NAALADL2: variants seen among roughly 807,000 people sequenced by gnomAD.
NAALADL2 encodes the protein inactive N-acetylated-alpha-linked acidic dipeptidase-like protein 2.
In NAALADL2, 76 loss-of-function variants were observed where a neutral mutation model predicts 87.2. That is an observed-to-expected ratio of 0.87 (90% CI 0.72 to 1.05). The LOEUF is 1.05. NAALADL2 is among the 50% of genes least tolerant of loss of function. NAALADL2 has a pLI of 0.00. For synonymous variants in NAALADL2, 354 were observed against 331.0 expected, an observed-to-expected ratio of 1.07 and a Z score of -0.75; for missense variants, 1,089 against 945.8, an observed-to-expected ratio of 1.15 and a Z score of -1.99.
chr3:175,162,994 C>G (rs1436726492), intron 2 of NAALADL2, among the ~76,000 whole-genome samples: 1 of 152,038 alleles, frequency 6.6e-6, no homozygotes, highest in Non-Finnish European at 1.5e-5. Context: ...CTAATCATTT[C>G]TTTCTTTTCT....
chr3:174,654,747 T>G (rs1402524100), intron 2 of NAALADL2, among the ~76,000 whole-genome samples: 2 of 152,146 alleles, frequency 1.3e-5, no homozygotes, highest in East Asian at 3.8e-4. Flanking sequence ...TATTATTTAT[T>G]TATTTTGAGA....
chr3:175,504,576 TC>T (rs1730018202), intron 9 of NAALADL2, among the ~76,000 whole-genome samples: 1 of 8,210 alleles, frequency 1.2e-4, no homozygotes, highest in Non-Finnish European at 2.0e-4. Flanking sequence ...TCTCTCTCTC[TC>T]TCTCTCTCTC....
At chr3:175,215,410 A>G (rs990735839) in intron 2 of NAALADL2, among the ~76,000 whole-genome samples, 2 of 151,992 alleles carry the variant, frequency 1.3e-5, no homozygotes, top group African/African-American at 2.4e-5. Context: ...TTGCTCTTCT[A>G]TGTCCGGGAG....
chr3:175,718,404 T>A, intron 11 of NAALADL2: 1 of 1,590,456 alleles, frequency 6.3e-7, no homozygotes. Flanking sequence ...CCATTCATAT[T>A]AATTTTTGTT....
intron 4 of NAALADL2, among the ~76,000 whole-genome samples, chr3:175,316,568 A>G (rs557749844): frequency 3.3e-5 from 5 of 152,292 alleles, no homozygotes; most frequent in Admixed American, 6.5e-5. Flanking sequence ...TCATCGTTCT[A>G]TATCTTAAGC....
intron 5 of NAALADL2, among the ~76,000 whole-genome samples, chr3:175,380,512 C>T (rs983020905): frequency 6.6e-6 from 1 of 152,066 alleles, no homozygotes; most frequent in African/African-American, 2.4e-5. Flanking sequence ...AAAATTATTG[C>T]TGAAATTTCT....
rs1372691640 is a variant in NAALADL2, at chr3:175,739,083, A to G, written c.1990+1684A>G. ...ACAACCTCACAATACTTGTTCATCTAAAAGCAATAACTATCATGCATGAAA... is the reference window on the plus strand; with the variant it reads ...ACAACCTCACAATACTTGTTCATCTGAAAGCAATAACTATCATGCATGAAA... On this transcript the variant is annotated intron_variant, in intron 12 of 13. Coordinates refer to ENST00000454872, the MANE Select transcript of NAALADL2 (RefSeq NM_207015.3). Among the ~76,000 whole-genome samples, 3 of 152,182 alleles carry G rather than the reference A, an allele frequency of 2.0e-5. No individual in the cohort carries two copies. In the East Asian group the frequency reaches 5.8e-4, roughly 29 times the overall value.
chr3:175,723,591 T>G (rs1410429268), intron 11 of NAALADL2, among the ~76,000 whole-genome samples: 2 of 152,156 alleles, frequency 1.3e-5, no homozygotes, highest in African/African-American at 4.8e-5. Context: ...GGCTTAAGCC[T>G]TTCTCCAGGT....
intron 1 of NAALADL2, among the ~76,000 whole-genome samples, chr3:174,997,923 A>T (rs1378041321): frequency 6.6e-6 from 1 of 152,166 alleles, no homozygotes; most frequent in Non-Finnish European, 1.5e-5. Flanking sequence ...AAAACAAAAA[A>T]GATTGGTGAC....
At chr3:175,785,230 C>A (rs879599226) in intron 13 of NAALADL2, among the ~76,000 whole-genome samples, 15 of 149,210 alleles carry the variant, frequency 1.0e-4, no homozygotes, top group Non-Finnish European at 2.1e-4. Context: ...CTGCTTGGTG[C>A]AGAGCTGAGT....
chr3:174,881,257 T>G (rs1217702864), intron 1 of NAALADL2, among the ~76,000 whole-genome samples: 1 of 152,128 alleles, frequency 6.6e-6, no homozygotes, highest in South Asian at 2.1e-4. Context: ...CTGTTTAGGA[T>G]TGCAATCTCC....
chr3:175,517,418 AT>A (rs1732002111), intron 9 of NAALADL2, among the ~76,000 whole-genome samples: 1 of 152,230 alleles, frequency 6.6e-6, no homozygotes, highest in African/African-American at 2.4e-5. Flanking sequence ...TTTAGAAAAT[AT>A]TTTTTCTTAC....
intron 3 of NAALADL2, among the ~76,000 whole-genome samples, chr3:174,833,007 G>T (rs990048541): frequency 3.9e-5 from 6 of 152,018 alleles, no homozygotes; most frequent in Admixed American, 3.9e-4. Flanking sequence ...CTCTACATCT[G>T]TATTACTTCT....
intron 5 of NAALADL2, among the ~76,000 whole-genome samples, chr3:175,417,323 G>T (rs777093354): frequency 3.3e-5 from 5 of 151,576 alleles, no homozygotes; most frequent in Admixed American, 6.6e-5. Flanking sequence ...CACATTAATC[G>T]TCCATCATAA....
At chr3:175,742,955 A>G (rs1745443491) in intron 12 of NAALADL2, among the ~76,000 whole-genome samples, 1 of 151,936 alleles carries the variant, frequency 6.6e-6, no homozygotes, top group Non-Finnish European at 1.5e-5. Context: ...TCTGGAATAA[A>G]AGTTTTATGT....
chr3:175,607,922 C>CAT (rs1553931912), intron 10 of NAALADL2, among the ~76,000 whole-genome samples: 2 of 151,224 alleles, frequency 1.3e-5, no homozygotes, highest in African/African-American at 4.9e-5. Context: ...CGCACACACA[C>CAT]GCACACACAC....
chr3:175,743,009 T>C (rs1193453910), intron 12 of NAALADL2, among the ~76,000 whole-genome samples: 1 of 152,054 alleles, frequency 6.6e-6, no homozygotes, highest in Non-Finnish European at 1.5e-5. Context: ...CTTTTTTTTT[T>C]TTTCAGACGG....
chr3:175,500,571 A>G (rs1038635616), intron 9 of NAALADL2, among the ~76,000 whole-genome samples: 1 of 152,090 alleles, frequency 6.6e-6, no homozygotes. Flanking sequence ...ACAAAAAACA[A>G]GGTAAAATAA....
chr3:175,547,067 A>G (rs1713460562), intron 9 of NAALADL2, among the ~76,000 whole-genome samples: 1 of 152,146 alleles, frequency 6.6e-6, no homozygotes, highest in Admixed American at 6.5e-5. Flanking sequence ...AGACAAAACT[A>G]TTTTAAAATT....
Sources: gnomAD v4.1 joint callset for allele counts (sites outside exome capture counted in the v4.1 genomes callset) on GRCh38, gnomAD v4.1.1 for gene constraint, MANE v1.5 for transcripts, NCBI Gene and HGNC (gene_info 2026-07-23, HGNC 2026-07-21) for gene names.